SLC24A3: variants seen among roughly 807,000 people sequenced by gnomAD.
SLC24A3 encodes sodium/potassium/calcium exchanger 3.
A neutral mutation model predicts 75.8 loss-of-function variants in SLC24A3; 28 were observed. The ratio of observed to expected loss-of-function variants is 0.37; its 90% CI spans 0.27 to 0.51. The LOEUF is 0.51. Among genes scored for constraint, SLC24A3 ranks in the 20% least tolerant of loss-of-function variants. SLC24A3 has a pLI of 0.94. For missense variants in SLC24A3, 663 were observed against 847.8 expected (o/e 0.78, Z 2.71); for synonymous variants, 372 against 334.1 (o/e 1.11, Z -1.24).
intron 6 of SLC24A3, among the ~76,000 whole-genome samples, chr20:19,619,415 A>G (rs1326890869): frequency 6.6e-6 from 1 of 152,214 alleles, no homozygotes; most frequent in Non-Finnish European, 1.5e-5. Context: ...AGCCAGACTC[A>G]GAATATGTAC....
intron 6 of SLC24A3, among the ~76,000 whole-genome samples, chr20:19,636,216 T>C (rs1414249744): frequency 6.6e-6 from 1 of 152,192 alleles, no homozygotes; most frequent in Non-Finnish European, 1.5e-5. Context: ...TGTAACACCA[T>C]TTCTGTCATG....
chr20:19,317,456 G>A (rs1243943965), intron 2 of SLC24A3, among the ~76,000 whole-genome samples: 1 of 152,134 alleles, frequency 6.6e-6, no homozygotes, highest in African/African-American at 2.4e-5. Flanking sequence ...ACTCCCCTGT[G>A]ACCTGCTGCA....
At chr20:19,258,102 G>C (rs993808798) in intron 1 of SLC24A3, among the ~76,000 whole-genome samples, 3 of 152,220 alleles carry the variant, frequency 2.0e-5, no homozygotes, top group Non-Finnish European at 4.4e-5. Context: ...TTGGAATGCC[G>C]TTCCTAAACT....
intron 15 of SLC24A3, 145 bp downstream of exon 15, chr20:19,698,825 G>A: frequency 1.5e-6 from 1 of 677,348 alleles, no homozygotes; most frequent in South Asian, 1.9e-5. Flanking sequence ...CCTTGTCAAA[G>A]GCCTTACTAG....
intron 6 of SLC24A3, among the ~76,000 whole-genome samples, chr20:19,623,679 A>G (rs2031833275): frequency 6.6e-6 from 1 of 152,244 alleles, no homozygotes; most frequent in African/African-American, 2.4e-5. Flanking sequence ...GGACAGCACA[A>G]GTTATAGACT....
At chr20:19,575,504 C>G (rs1048432112) in intron 3 of SLC24A3, among the ~76,000 whole-genome samples, 8 of 152,170 alleles carry the variant, frequency 5.3e-5, no homozygotes, top group African/African-American at 1.7e-4. Context: ...AAAGCAGATT[C>G]CCACTCAGAG....
intron 3 of SLC24A3, among the ~76,000 whole-genome samples, chr20:19,578,345 A>G (rs1014159134): frequency 2.7e-5 from 4 of 150,586 alleles, no homozygotes; most frequent in African/African-American, 7.3e-5. Context: ...GTGTGTGTGC[A>G]TGTGTGTGTG....
intron 2 of SLC24A3, among the ~76,000 whole-genome samples, chr20:19,391,139 T>G (rs1986357735): frequency 6.6e-6 from 1 of 152,220 alleles, no homozygotes; most frequent in Non-Finnish European, 1.5e-5. Context: ...AGCTGTCTTG[T>G]TCTGGTGTTT....
intron 3 of SLC24A3, among the ~76,000 whole-genome samples, chr20:19,549,947 G>GA (rs1456312458): frequency 1.3e-5 from 2 of 152,144 alleles, no homozygotes; most frequent in Non-Finnish European, 2.9e-5. Context: ...GAAAACATGA[G>GA]AAAAACTACA....
intron 6 of SLC24A3, among the ~76,000 whole-genome samples, chr20:19,591,437 G>A (rs1198190330): frequency 1.3e-5 from 2 of 151,930 alleles, no homozygotes; most frequent in African/African-American, 4.8e-5. Flanking sequence ...AGGACTTCCA[G>A]CCCCATTGTT....
At chr20:19,503,734 C>T (rs1207768118) in intron 2 of SLC24A3, among the ~76,000 whole-genome samples, 2 of 152,146 alleles carry the variant, frequency 1.3e-5, no homozygotes, top group Non-Finnish European at 1.5e-5. Context: ...TTATGTCTTC[C>T]TACAACAGCT....
At position 19,669,552 on chromosome 20, in the gene SLC24A3, T is replaced by C. The variant is rs1482372063; in HGVS notation, c.713+3663T>C. On this transcript the variant is annotated intron_variant, in intron 8 of 16. Transcript: ENST00000328041. ...TCAGAGGCCCACATATTAGGATGTATGCTCGACCCACAGAGCATTCCCGTG... is the reference window on the plus strand; with the variant it reads ...TCAGAGGCCCACATATTAGGATGTACGCTCGACCCACAGAGCATTCCCGTG... 4.0e-5 allele frequency among the ~76,000 whole-genome samples: 6 copies of C among 151,562 alleles called. No individual in the cohort carries two copies. In the East Asian group the frequency reaches 1.2e-3, roughly 29 times the overall value.
At chr20:19,617,398 C>A (rs755311857) in intron 6 of SLC24A3, among the ~76,000 whole-genome samples, 1 of 152,206 alleles carries the variant, frequency 6.6e-6, no homozygotes, top group Non-Finnish European at 1.5e-5. Context: ...GTGGCAGCCA[C>A]AGACATGCAT....
chr20:19,428,812 G>C (rs1160612473), intron 2 of SLC24A3, among the ~76,000 whole-genome samples: 2 of 152,176 alleles, frequency 1.3e-5, no homozygotes, highest in Admixed American at 1.3e-4. Context: ...AACCTGCCCT[G>C]CCCAGGAGGT....
chr20:19,550,933 G>C (rs941682311), intron 3 of SLC24A3, among the ~76,000 whole-genome samples: 1 of 152,236 alleles, frequency 6.6e-6, no homozygotes, highest in Non-Finnish European at 1.5e-5. Flanking sequence ...AAATCTGAGA[G>C]CAAATGAGAG....
At chr20:19,412,709 G>A (rs184939526) in intron 2 of SLC24A3, among the ~76,000 whole-genome samples, 15 of 152,108 alleles carry the variant, frequency 9.9e-5, no homozygotes, top group Admixed American at 2.6e-4. Flanking sequence ...ATAGTATAGG[G>A]TGCATATTTT....
In SLC24A3 at chr20:19,696,746, G is replaced by A. The variant is rs769019119; in HGVS notation, c.1492-51G>A. On this transcript the variant is annotated intron_variant, in intron 13 of 16. Coordinates refer to ENST00000328041, the MANE Select transcript of SLC24A3 (RefSeq NM_020689.4). The stretch of plus-strand genomic sequence containing the variant: ...GTCTCCATCAGAAGAATCATGGGCA[G>A]GTGGGGCTTGAGGTGACCCTCAGCT... The A allele has an allele frequency of 3.0e-5, 39 of 1,289,424 alleles. No homozygotes were observed. The East Asian group carries it at 8.8e-4, about 29-fold the overall frequency. 79.9% of individuals were successfully genotyped at this position (1,289,424 alleles called of 1,614,324 possible).
intron 3 of SLC24A3, among the ~76,000 whole-genome samples, chr20:19,574,434 A>C (rs2031100228): frequency 6.6e-6 from 1 of 152,206 alleles, no homozygotes; most frequent in Non-Finnish European, 1.5e-5. Context: ...GACATACAAT[A>C]AACAATTCAT....
intron 3 of SLC24A3, 76 bp downstream of exon 3, chr20:19,515,640 GC>G: frequency 2.1e-6 from 3 of 1,442,674 alleles, no homozygotes; most frequent in Middle Eastern, 1.9e-4. Flanking sequence ...CACCTGAGGT[GC>G]CCCCAGTAGA....
Sources: gnomAD v4.1 joint callset for allele counts (sites outside exome capture counted in the v4.1 genomes callset) on GRCh38, gnomAD v4.1.1 for gene constraint, MANE v1.5 for transcripts, NCBI Gene and HGNC (gene_info 2026-07-23, HGNC 2026-07-21) for gene names.